Variants in CNTN4 observed in about 807,000 individuals in gnomAD.
CNTN4 encodes contactin 4, also known as contactin-4.
Under a neutral mutation model 122.5 loss-of-function variants are expected in CNTN4, and 77 were observed. The ratio of observed to expected loss-of-function variants is 0.63; its 90% CI spans 0.52 to 0.76. CNTN4 has a LOEUF of 0.76. Among genes scored for constraint, CNTN4 ranks in the 30% least tolerant of loss-of-function variants. The pLI, the probability that CNTN4 is intolerant of heterozygous loss-of-function variation, is 0.00. For synonymous variants in CNTN4, 512 were observed against 447.0 expected (o/e 1.15, Z -1.83); for missense variants, 1,256 against 1,259.1 (o/e 1.00, Z 0.04).
intron 23 of CNTN4, among the ~76,000 whole-genome samples, chr3:3,050,485 C>T (rs1041475234): frequency 5.9e-5 from 9 of 151,976 alleles, no homozygotes; most frequent in African/African-American, 1.5e-4. Flanking sequence ...GTTCTGAGGC[C>T]GGGCACGGTG....
chr3:2,741,168 C>T (rs887380842), intron 5 of CNTN4, among the ~76,000 whole-genome samples: 2 of 152,166 alleles, frequency 1.3e-5, no homozygotes, highest in African/African-American at 4.8e-5. Flanking sequence ...TTAATCAACT[C>T]TACAACATGC....
At chr3:2,925,833 C>G in intron 13 of CNTN4, 54 bp downstream of exon 13, 6 of 1,485,500 alleles carry the variant, frequency 4.0e-6, no homozygotes, top group Non-Finnish European at 5.6e-6. Context: ...ATGTGTTGGT[C>G]TGTTATTAAT....
chr3:2,196,263 A>AT (rs1448711061), intron 2 of CNTN4, among the ~76,000 whole-genome samples: 26 of 152,238 alleles, frequency 1.7e-4, no homozygotes, highest in African/African-American at 6.3e-4. Flanking sequence ...TGTGGAGAGA[A>AT]TTTTCAAAAG....
At chr3:2,121,862 A>G (rs1448398868) in intron 2 of CNTN4, among the ~76,000 whole-genome samples, 1 of 150,760 alleles carries the variant, frequency 6.6e-6, no homozygotes, top group Non-Finnish European at 1.5e-5. Context: ...TCAGTTTGCC[A>G]TTGTACCCCC....
intron 4 of CNTN4, among the ~76,000 whole-genome samples, chr3:2,703,318 T>C (rs948449552): frequency 6.6e-6 from 1 of 152,192 alleles, no homozygotes; most frequent in African/African-American, 2.4e-5. Context: ...TATTGCAATG[T>C]TTGTGCATCA....
In CNTN4 at chr3:2,908,827, TATA is replaced by T. The variant is rs542357067; in HGVS notation, c.1207+5825_1207+5827del. ...ATATGACTTGACTTTTCCAGGACTG[TATA>T]ATGGAGGAGAAGTAGCTTCTATCCT... On this transcript the variant is annotated intron_variant, in intron 12 of 24. Transcript: ENST00000418658. Among the ~76,000 whole-genome samples, 4 of 152,300 alleles carry T rather than the reference TATA, an allele frequency of 2.6e-5. No homozygotes were observed. In the East Asian group the frequency reaches 7.7e-4, roughly 29 times the overall value.
At chr3:2,945,126 A>G (rs2094662122) in intron 13 of CNTN4, among the ~76,000 whole-genome samples, 1 of 152,200 alleles carries the variant, frequency 6.6e-6, no homozygotes, top group Non-Finnish European at 1.5e-5. Context: ...TTTTGGAGGT[A>G]GAATGCTTTG....
intron 3 of CNTN4, among the ~76,000 whole-genome samples, chr3:2,462,996 T>C (rs756934150): frequency 6.6e-6 from 1 of 152,210 alleles, no homozygotes; most frequent in South Asian, 2.1e-4. Context: ...GGAAAAGCTA[T>C]AACAATGTTT....
At chr3:3,030,826 A>C in intron 15 of CNTN4, 29 bp from the exon 16 acceptor site, 2 of 1,613,300 alleles carry the variant, frequency 1.2e-6, no homozygotes, top group Non-Finnish European at 1.7e-6. Context: ...TTAAAAAGTA[A>C]TTGCAGCCAC....
At chr3:2,782,145 T>C (rs977676763) in intron 6 of CNTN4, among the ~76,000 whole-genome samples, 1 of 152,092 alleles carries the variant, frequency 6.6e-6, no homozygotes, top group African/African-American at 2.4e-5. Context: ...CTTATCAGAC[T>C]GAAGTCTGTG....
intron 12 of CNTN4, among the ~76,000 whole-genome samples, chr3:2,917,334 A>AGAGGG (rs1160371982): frequency 6.6e-6 from 1 of 151,630 alleles, no homozygotes. Context: ...TGGAAAGCGG[A>AGAGGG]ATAGGGAGAG....
At chr3:2,988,556 T>C (rs2125286200) in intron 14 of CNTN4, 84 bp downstream of exon 14, 1 of 1,369,130 alleles carries the variant, frequency 7.3e-7, no homozygotes, top group Non-Finnish European at 1.0e-6. Flanking sequence ...GCATCATTCA[T>C]ATTAATATGT....
rs763006595 is a variant in CNTN4, at chr3:2,745,645, G to C, written c.306G>C (p.Ala102=). Residue 102 remains alanine (A), a synonymous_variant, in exon 6 of 25, where the codon GCG becomes GCC. Transcript: ENST00000418658. ...ATGCTGGAACGTACCAGTGCACAGC[G>C]ACAAACTCGTTTGGAACAATTGTTA... The part of the protein sequence containing the change: ...TQDAGTYQCT[A]TNSFGTIVSR... 31 of 1,614,008 alleles carry C rather than the reference G, an allele frequency of 1.9e-5. No homozygotes were observed. Among genetic ancestry groups the C allele is most frequent in the Non-Finnish European group, 2.6e-5 (31 of 1,179,920 alleles).
intron 11 of CNTN4, among the ~76,000 whole-genome samples, chr3:2,901,173 A>G (rs1389356743): frequency 1.3e-5 from 2 of 152,242 alleles, no homozygotes; most frequent in East Asian, 3.8e-4. Context: ...GACACAATAC[A>G]GGATATCCAT....
chr3:2,982,820 A>G (rs774467681), intron 13 of CNTN4, among the ~76,000 whole-genome samples: 3 of 152,192 alleles, frequency 2.0e-5, no homozygotes, highest in Non-Finnish European at 4.4e-5. Context: ...ATGTTATTGT[A>G]TGGAACACAT....
At chr3:2,816,744 C>G (rs1356253046) in intron 6 of CNTN4, among the ~76,000 whole-genome samples, 1 of 143,846 alleles carries the variant, frequency 7.0e-6, no homozygotes, top group Non-Finnish European at 1.5e-5. Context: ...TCACTTGAAC[C>G]TGGGAGGTGG....
intron 2 of CNTN4, among the ~76,000 whole-genome samples, chr3:2,331,366 A>G (rs963372698): frequency 6.6e-6 from 1 of 152,178 alleles, no homozygotes; most frequent in Non-Finnish European, 1.5e-5. Flanking sequence ...GTAAGTGCTC[A>G]GAGTAGGTGT....
chr3:2,610,854 T>A (rs565998731), intron 4 of CNTN4, among the ~76,000 whole-genome samples: 1 of 152,294 alleles, frequency 6.6e-6, no homozygotes, highest in African/African-American at 2.4e-5. Flanking sequence ...TGCACAGTTT[T>A]CCACTAGTAA....
chr3:2,678,454 G>T (rs1167398576), intron 4 of CNTN4, among the ~76,000 whole-genome samples: 1 of 151,986 alleles, frequency 6.6e-6, no homozygotes, highest in African/African-American at 2.4e-5. Context: ...CATTATTTAT[G>T]TCACTTATCT....
Sources: gnomAD v4.1 joint callset for allele counts (sites outside exome capture counted in the v4.1 genomes callset) on GRCh38, gnomAD v4.1.1 for gene constraint, MANE v1.5 for transcripts, NCBI Gene and HGNC (gene_info 2026-07-23, HGNC 2026-07-21) for gene names.